The following TCF12 variants were observed in gnomAD, a reference collection of about 807,000 sequenced individuals.
TCF12 encodes the protein transcription factor 12, also known as DNA-binding protein HTF4.
In TCF12, 45 loss-of-function variants were observed where a neutral mutation model predicts 86.0. The observed-to-expected ratio is 0.52, with a 90% CI of 0.41 to 0.67. TCF12 has a LOEUF of 0.67. TCF12 is among the 30% of genes least tolerant of loss of function. The probability of loss-of-function intolerance (pLI) is 0.00; values close to 1 mark genes in which losing one functional copy is unlikely to be tolerated. For synonymous variants in TCF12, 330 were observed against 299.6 expected (o/e 1.10, Z -1.05); for missense variants, 881 against 859.9 (o/e 1.02, Z -0.31).
intron 3 of TCF12, among the ~76,000 whole-genome samples, chr15:57,003,032 C>G (rs1778155308): frequency 6.6e-6 from 1 of 152,152 alleles, no homozygotes; most frequent in African/African-American, 2.4e-5. Context: ...ATTCATTCTT[C>G]TACAAGAGGA....
chr15:57,003,121 G>T (rs1417417509), intron 3 of TCF12, among the ~76,000 whole-genome samples: 3 of 152,144 alleles, frequency 2.0e-5, no homozygotes, highest in Non-Finnish European at 4.4e-5. Context: ...TTCTGCAGAT[G>T]CCCACTTTTC....
At chr15:57,127,189 G>T (rs1172992703) in intron 5 of TCF12, among the ~76,000 whole-genome samples, 2 of 151,808 alleles carry the variant, frequency 1.3e-5, no homozygotes, top group African/African-American at 4.8e-5. Context: ...CACCACGTTG[G>T]CCAGGCTGGT....
At chr15:57,134,887 GTT>G (rs11298596) in intron 5 of TCF12, among the ~76,000 whole-genome samples, 52 of 141,348 alleles carry the variant, frequency 3.7e-4, no homozygotes, top group East Asian at 1.0e-3. Flanking sequence ...GGGTTTTTGT[GTT>G]TTTTTTTTTT....
In TCF12 at chr15:56,919,791, C is replaced by G. The variant is rs971984185; in HGVS notation, c.-22-101C>G. ...CGGGGTCCTGGAAGTCATCCCGGCG[C>G]CCCCAGCGCTCTTGCGTAATCTTCC... On this transcript the variant is annotated intron_variant, in intron 1 of 20. Coordinates refer to ENST00000333725, the MANE Select transcript of TCF12 (RefSeq NM_207037.2). 4 of 1,029,066 alleles carry G rather than the reference C, an allele frequency of 3.9e-6. No individual in the cohort carries two copies. The Admixed American group carries it at 9.9e-5, about 25-fold the overall frequency. The allele number at this position is 1,029,066 out of a possible 1,614,324, so 63.7% of individuals were successfully genotyped here.
At chr15:57,024,263 C>T (rs1296772603) in intron 3 of TCF12, among the ~76,000 whole-genome samples, 1 of 134,758 alleles carries the variant, frequency 7.4e-6, no homozygotes, top group Non-Finnish European at 1.5e-5. Flanking sequence ...CGCTCTGTCT[C>T]CTAGGTTAGA....
intron 3 of TCF12, among the ~76,000 whole-genome samples, chr15:56,924,596 G>A (rs1289683228): frequency 6.6e-6 from 1 of 152,152 alleles, no homozygotes; most frequent in African/African-American, 2.4e-5. Context: ...GTACATATTA[G>A]TGTTGAAATT....
At chr15:57,128,257 A>ATGACGT (rs1176283850) in intron 5 of TCF12, among the ~76,000 whole-genome samples, 1 of 152,216 alleles carries the variant, frequency 6.6e-6, no homozygotes, top group Non-Finnish European at 1.5e-5. Context: ...CGCTAATCAG[A>ATGACGT]TGACGAGAAA....
chr15:57,244,724 A>C (rs1483952888), intron 13 of TCF12, among the ~76,000 whole-genome samples: 1 of 151,478 alleles, frequency 6.6e-6, no homozygotes, highest in Non-Finnish European at 1.5e-5. Flanking sequence ...TCCTTCTCCC[A>C]AAGTGCTGGG....
chr15:57,232,624 C>A, intron 10 of TCF12, 88 bp from the exon 11 acceptor site: 3 of 1,467,390 alleles, frequency 2.0e-6, no homozygotes, highest in Admixed American at 4.5e-5. Flanking sequence ...CTTGTAAATG[C>A]TCTTTTTGAC....
At position 57,198,091 on chromosome 15, in the gene TCF12, C is replaced by T. The variant is rs374027742; in HGVS notation, c.579+266C>T. ...TCCCCTCTTGGGAAGAGGACTAGGC[C>T]AGTAGCTGTCAAAGATGATCTCCTA... On this transcript the variant is annotated intron_variant, in intron 8 of 20. Transcript: ENST00000333725. Among the ~76,000 whole-genome samples the T allele has an allele frequency of 5.9e-5, 9 of 152,208 alleles. No individual in the cohort carries two copies. In the East Asian group the frequency reaches 1.7e-3, roughly 29 times the overall value.
At chr15:57,101,447 C>T (rs988948611) in intron 5 of TCF12, among the ~76,000 whole-genome samples, 21 of 152,140 alleles carry the variant, frequency 1.4e-4, no homozygotes, top group Admixed American at 9.2e-4. Flanking sequence ...TAGGTTCAAG[C>T]GATCCTCCAG....
intron 4 of TCF12, among the ~76,000 whole-genome samples, chr15:57,065,280 C>A (rs1045682606): frequency 6.6e-6 from 1 of 152,152 alleles, no homozygotes. Context: ...GTATTGTGAA[C>A]CAGCCATTTA....
At chr15:57,011,170 C>G (rs1267282969) in intron 3 of TCF12, among the ~76,000 whole-genome samples, 1 of 152,094 alleles carries the variant, frequency 6.6e-6, no homozygotes, top group African/African-American at 2.4e-5. Context: ...TTGTGCCCTC[C>G]AAACCTCTAT....
chr15:56,919,622 T>C (rs2059680129), intron 1 of TCF12: 1 of 274,000 alleles, frequency 3.6e-6, no homozygotes, highest in Non-Finnish European at 7.0e-6. Flanking sequence ...TGGCAGAGAC[T>C]GGCTCGGAAA....
chr15:57,076,072 T>C (rs73413365), intron 4 of TCF12, among the ~76,000 whole-genome samples: 7,100 of 151,370 alleles, frequency 0.047, 332 homozygotes, highest in African/African-American at 0.13. Context: ...CCCAGGCTGT[T>C]ACCAAATTCC....
At chr15:56,937,784 T>TC (rs1230494068) in intron 3 of TCF12, among the ~76,000 whole-genome samples, 4 of 152,146 alleles carry the variant, frequency 2.6e-5, no homozygotes, top group Non-Finnish European at 4.4e-5. Context: ...AGATGCTTTT[T>TC]CCCACATCTG....
chr15:57,007,901 CCTTCCTTCCTTCCTCTTTCTTTG>C (rs2064551766), intron 3 of TCF12, among the ~76,000 whole-genome samples: 2 of 55,642 alleles, frequency 3.6e-5, no homozygotes, highest in African/African-American at 1.4e-4. Context: ...TTCCTTCCTT[CCTTCCTTCCTTCCTCTTTCTTTG>C]TTTCTTTGTT....
At chr15:57,172,077 G>A (rs1696930572) in intron 6 of TCF12, among the ~76,000 whole-genome samples, 1 of 152,084 alleles carries the variant, frequency 6.6e-6, no homozygotes, top group Admixed American at 6.6e-5. Flanking sequence ...GTTGTTTGGA[G>A]ATAAGCTTAT....
At chr15:57,224,930 C>T (rs1410689482) in intron 8 of TCF12, among the ~76,000 whole-genome samples, 1 of 151,900 alleles carries the variant, frequency 6.6e-6, no homozygotes, top group Non-Finnish European at 1.5e-5. Flanking sequence ...CTTGAAATTA[C>T]CATTAAAAAC....
Sources: allele counts gnomAD v4.1 joint callset (sites outside exome capture counted in the v4.1 genomes callset), GRCh38; gene constraint gnomAD v4.1.1; transcripts MANE v1.5; gene names NCBI Gene and HGNC (gene_info 2026-07-23, HGNC 2026-07-21).